The following CLEC2A variants were observed in gnomAD, a reference collection of about 807,000 sequenced individuals.
CLEC2A encodes the protein C-type lectin domain family 2 member A.
Under a neutral mutation model 18.6 loss-of-function variants are expected in CLEC2A, and 19 were observed. The observed-to-expected ratio is 1.02, with a 90% CI of 0.71 to 1.50. CLEC2A has a LOEUF of 1.50. Ranked by LOEUF, CLEC2A falls within the 40% of genes most tolerant of loss-of-function variation. The pLI, the probability that CLEC2A is intolerant of heterozygous loss-of-function variation, is 0.00. For missense variants in CLEC2A, 190 were observed against 207.9 expected (o/e 0.91, Z 0.53); for synonymous variants, 74 against 64.0 (o/e 1.16, Z -0.75).
the CLEC2A span, chr12:9,893,379 C>CA: frequency 1.2e-5 from 12 of 984,570 alleles, 1 homozygote; most frequent in African/African-American, 6.4e-5. Flanking sequence ...TAGAAGGCAT[C>CA]AAAATTTTTT....
At chr12:9,905,439 C>T (rs561512652) in intron 4 of CLEC2A, among the ~76,000 whole-genome samples, 3 of 152,288 alleles carry the variant, frequency 2.0e-5, no homozygotes, top group East Asian at 1.9e-4. Context: ...AGACAGTCCA[C>T]GTACATAGCT....
chr12:9,911,356 G>A (rs1157044651), downstream of CLEC2A, among the ~76,000 whole-genome samples: 3 of 152,130 alleles, frequency 2.0e-5, no homozygotes, highest in Non-Finnish European at 4.4e-5. Context: ...TCTGAGCAAA[G>A]AACAAGGACA....
At chr12:9,893,470 GA>G in the CLEC2A span, 5 of 1,519,050 alleles carry the variant, frequency 3.3e-6, no homozygotes, top group South Asian at 6.0e-5. Context: ...ATTTTGGTTG[GA>G]TTGGACTATA....
At chr12:9,912,644 T>C (rs112897497), downstream of CLEC2A, among the ~76,000 whole-genome samples, 216 of 136,908 alleles carry the variant, frequency 1.6e-3, no homozygotes, top group African/African-American at 6.0e-3. Flanking sequence ...TGAGTAAATC[T>C]GGGTTTTATT....
chr12:9,930,899 A>T (rs1863365580), intron 1 of CLEC2A, among the ~76,000 whole-genome samples: 1 of 151,902 alleles, frequency 6.6e-6, no homozygotes, highest in African/African-American at 2.4e-5. Context: ...ATCAGCGTCC[A>T]TTCTATTAAT....
At chr12:9,900,984 G>C (rs922123182) in intron 4 of CLEC2A, among the ~76,000 whole-genome samples, 2 of 151,526 alleles carry the variant, frequency 1.3e-5, no homozygotes, top group Non-Finnish European at 2.9e-5. Context: ...ACCAGGCAGA[G>C]AGAAAAAAAA....
chr12:9,932,366 A>G lies in CLEC2A; in HGVS notation c.-37T>C. ...AACCGATGGAGATCAGTAGGAGAGG[A>G]CTAGAAAGCTTTTCATGTACATCAC... On this transcript the variant is annotated 5_prime_UTR_variant, in exon 1 of 5. Transcript: ENST00000455827. The G allele has an allele frequency of 6.5e-7, 1 of 1,549,972 alleles. No individual in the cohort carries two copies. The highest frequency in any genetic ancestry group is 8.7e-7 in the Non-Finnish European group (1 of 1,145,792).
intron 4 of CLEC2A, among the ~76,000 whole-genome samples, chr12:9,899,371 T>C (rs183180109): frequency 3.6e-4 from 55 of 152,194 alleles, no homozygotes; most frequent in Admixed American, 3.1e-3. Flanking sequence ...ATTACCTGAC[T>C]GTGAAGAGAG....
chr12:9,922,923 A>G (rs1261517283), intron 2 of CLEC2A, among the ~76,000 whole-genome samples: 2 of 151,948 alleles, frequency 1.3e-5, no homozygotes, highest in African/African-American at 2.4e-5. Flanking sequence ...ACCATGATTT[A>G]TTATTATTAT....
At chr12:9,893,394 C>G in the CLEC2A span, 4 of 1,064,630 alleles carry the variant, frequency 3.8e-6, no homozygotes, top group South Asian at 1.5e-5. Context: ...TTTTTTTAAA[C>G]AAATGAATGA....
chr12:9,898,923 A>G (rs1862788413), exon 5 of CLEC2A: 3 of 716,526 alleles, frequency 4.2e-6, no homozygotes, highest in Non-Finnish European at 5.2e-6. Flanking sequence ...GGGTCCCAGC[A>G]GAAGAAGCCA....
intron 4 of CLEC2A, among the ~76,000 whole-genome samples, 182 bp from the exon 5 acceptor site, chr12:9,913,862 A>T (rs1486609384): frequency 6.6e-6 from 1 of 152,240 alleles, no homozygotes; most frequent in African/African-American, 2.4e-5. Flanking sequence ...AAGACTGAAC[A>T]TAAGTGTTGG....
At chr12:9,931,025 G>T (rs1863367285) in intron 1 of CLEC2A, among the ~76,000 whole-genome samples, 2 of 151,794 alleles carry the variant, frequency 1.3e-5, no homozygotes, top group South Asian at 4.2e-4. Flanking sequence ...TTCTTTTGGA[G>T]CATTTTTATT....
the CLEC2A span, among the ~76,000 whole-genome samples, chr12:9,888,278 C>T: frequency 1.3e-5 from 2 of 151,758 alleles, no homozygotes; most frequent in South Asian, 4.1e-4. Flanking sequence ...ATCACGAGGT[C>T]AGGAGATCGA....
the CLEC2A span, chr12:9,893,320 G>A: frequency 0.13 from 105,863 of 830,448 alleles, 8,946 homozygotes; most frequent in South Asian, 0.34. Context: ...AAATGCTAAT[G>A]TATATGAAAA....
At chr12:9,891,084 G>A in the CLEC2A span, among the ~76,000 whole-genome samples, 42 of 149,640 alleles carry the variant, frequency 2.8e-4, no homozygotes, top group Non-Finnish European at 5.8e-4. Context: ...TCAAAAGGTA[G>A]GTCATGGTTG....
intron 2 of CLEC2A, among the ~76,000 whole-genome samples, 193 bp downstream of exon 2, chr12:9,926,067 T>C (rs1265274607): frequency 6.6e-6 from 1 of 152,224 alleles, no homozygotes; most frequent in South Asian, 2.1e-4. Flanking sequence ...ATAATTCTAT[T>C]GTAAAACTGA....
chr12:9,902,390 G>T (rs538083517), intron 4 of CLEC2A, among the ~76,000 whole-genome samples: 1 of 151,818 alleles, frequency 6.6e-6, no homozygotes, highest in Non-Finnish European at 1.5e-5. Context: ...GCACCATTGC[G>T]CCTGGTTAAT....
intron 2 of CLEC2A, among the ~76,000 whole-genome samples, chr12:9,924,568 T>C (rs1350662012): frequency 6.6e-6 from 1 of 152,196 alleles, no homozygotes; most frequent in Non-Finnish European, 1.5e-5. Flanking sequence ...TGGGGACTAT[T>C]TGGCCATGGC....
Sources: gnomAD v4.1 joint callset for allele counts (sites outside exome capture counted in the v4.1 genomes callset) on GRCh38, gnomAD v4.1.1 for gene constraint, MANE v1.5 for transcripts, NCBI Gene and HGNC (gene_info 2026-07-23, HGNC 2026-07-21) for gene names.